Variants in FRMD3 observed in about 807,000 individuals in gnomAD.
The protein encoded by FRMD3 is FERM domain-containing protein 3.
Under a neutral mutation model 70.2 loss-of-function variants are expected in FRMD3, and 33 were observed. The observed-to-expected ratio is 0.47, with a 90% CI of 0.36 to 0.63. The LOEUF (loss-of-function observed/expected upper bound fraction) is 0.63, where lower values mean the gene tolerates loss of function less well. FRMD3 is among the 20% of genes least tolerant of loss of function. FRMD3 has a pLI of 0.00. For synonymous variants in FRMD3, 279 were observed against 255.9 expected (o/e 1.09, Z -0.86); for missense variants, 632 against 711.4 (o/e 0.89, Z 1.27).
intron 1 of FRMD3, among the ~76,000 whole-genome samples, chr9:83,474,054 G>A (rs1828334403): frequency 6.6e-6 from 1 of 152,144 alleles, no homozygotes; most frequent in African/African-American, 2.4e-5. Flanking sequence ...ACAAGGAGCT[G>A]TGTACAGTAT....
At chr9:83,527,561 A>G (rs914815248) in intron 1 of FRMD3, among the ~76,000 whole-genome samples, 1 of 152,186 alleles carries the variant, frequency 6.6e-6, no homozygotes, top group African/African-American at 2.4e-5. Flanking sequence ...CTGATGTCTG[A>G]CTATTCCAGA....
intron 1 of FRMD3, among the ~76,000 whole-genome samples, chr9:83,438,842 A>T (rs1175269433): frequency 6.6e-6 from 1 of 152,198 alleles, no homozygotes; most frequent in Non-Finnish European, 1.5e-5. Flanking sequence ...TACAGCTGAG[A>T]GGGCCATGAG....
At chr9:83,293,711 T>C (rs1229035387) in intron 12 of FRMD3, among the ~76,000 whole-genome samples, 1 of 152,200 alleles carries the variant, frequency 6.6e-6, no homozygotes, top group Non-Finnish European at 1.5e-5. Context: ...GCTCGGCCCC[T>C]ACATTCATAG....
chr9:83,397,138 C>A (rs1361010478), intron 1 of FRMD3, among the ~76,000 whole-genome samples: 1 of 152,184 alleles, frequency 6.6e-6, no homozygotes, highest in Non-Finnish European at 1.5e-5. Flanking sequence ...CACATAAAAT[C>A]TGGATGCTAG....
intron 3 of FRMD3, among the ~76,000 whole-genome samples, chr9:83,364,955 G>A (rs1824741299): frequency 6.6e-6 from 1 of 152,114 alleles, no homozygotes; most frequent in Non-Finnish European, 1.5e-5. Context: ...ATTGGCGTGG[G>A]GAATGGGAAC....
intron 1 of FRMD3, among the ~76,000 whole-genome samples, chr9:83,446,458 T>C (rs569065322): frequency 3.9e-4 from 59 of 151,698 alleles, no homozygotes; most frequent in South Asian, 3.3e-3. Context: ...CCATCCTGGC[T>C]AACACGGTGA....
At position 83,264,705 on chromosome 9, in the gene FRMD3, A is replaced by G. The variant is rs191814597; in HGVS notation, c.1196-16189T>C. ...TGATATTAAAACTATACTGTATAGT[A>G]ATGGAGCAGGAATAATAAAAGATAT... On this transcript the variant is annotated intron_variant, in intron 13 of 13. Transcript: ENST00000304195. Among the ~76,000 whole-genome samples, 289 of 152,266 alleles carry G rather than the reference A, an allele frequency of 1.9e-3. 1 individual carries two copies. Among genetic ancestry groups the G allele is most frequent in the African/African-American group, 6.7e-3 (278 of 41,552 alleles).
intron 5 of FRMD3, among the ~76,000 whole-genome samples, chr9:83,340,347 T>C (rs1443852438): frequency 6.6e-6 from 1 of 152,176 alleles, no homozygotes; most frequent in Non-Finnish European, 1.5e-5. Context: ...TTAGATTCTA[T>C]ATAAGAGGAA....
the FRMD3 span, among the ~76,000 whole-genome samples, chr9:83,555,693 C>G: frequency 6.6e-6 from 1 of 152,216 alleles, no homozygotes; most frequent in Non-Finnish European, 1.5e-5. Context: ...GTACAGGAAT[C>G]TAACCTCCCA....
intron 4 of FRMD3, among the ~76,000 whole-genome samples, chr9:83,348,836 T>A (rs1011049415): frequency 6.6e-6 from 1 of 152,112 alleles, no homozygotes; most frequent in Non-Finnish European, 1.5e-5. Flanking sequence ...GTCACCTCCA[T>A]GCCACTAATG....
intron 1 of FRMD3, among the ~76,000 whole-genome samples, chr9:83,515,823 TA>T (rs1433119475): frequency 6.6e-6 from 1 of 152,132 alleles, no homozygotes; most frequent in African/African-American, 2.4e-5. Flanking sequence ...TTAACATTCT[TA>T]AAGAAAAGAA....
At chr9:83,345,507 C>T (rs1026632586) in intron 4 of FRMD3, among the ~76,000 whole-genome samples, 5 of 152,110 alleles carry the variant, frequency 3.3e-5, no homozygotes, top group African/African-American at 1.2e-4. Context: ...CCTGTAATCC[C>T]AGCAATTTGG....
chr9:83,529,959 A>T (rs191135005), intron 1 of FRMD3, among the ~76,000 whole-genome samples: 1 of 152,348 alleles, frequency 6.6e-6, no homozygotes, highest in African/African-American at 2.4e-5. Flanking sequence ...CCCACTTAGG[A>T]TGGTTATAAT....
At chr9:83,498,488 T>C (rs576647315) in intron 1 of FRMD3, among the ~76,000 whole-genome samples, 15 of 152,204 alleles carry the variant, frequency 9.9e-5, no homozygotes, top group Non-Finnish European at 1.5e-4. Flanking sequence ...AGTCAACAAG[T>C]AGTTCATGTG....
chr9:83,573,710 A>G, the FRMD3 span, among the ~76,000 whole-genome samples: 36 of 150,976 alleles, frequency 2.4e-4, 1 homozygote, highest in African/African-American at 8.5e-4. Flanking sequence ...TTTACTTGTT[A>G]CTGGTCCAGT....
At chr9:83,324,273 T>C (rs1167213123) in intron 6 of FRMD3, among the ~76,000 whole-genome samples, 1 of 152,184 alleles carries the variant, frequency 6.6e-6, no homozygotes, top group African/African-American at 2.4e-5. Context: ...AATACATATG[T>C]ATAAAGTAAA....
chr9:83,246,307 A>G lies in FRMD3; in HGVS notation c.*1611T>C, dbSNP rs183670755. The G allele has an allele frequency of 8.1e-6, 8 of 984,742 alleles. No homozygotes were observed. The East Asian group carries it at 6.8e-4, about 84-fold the overall frequency. 61.0% of individuals were successfully genotyped at this position (984,742 alleles called of 1,614,324 possible). ...TTCTAGACTCTTATCTTTCTCCCAC[A>G]TAACACAGTATCAGCAGGTAGTCTG... On this transcript the variant is annotated 3_prime_UTR_variant, in exon 14 of 14. Coordinates refer to ENST00000304195, the MANE Select transcript of FRMD3 (RefSeq NM_174938.6).
At chr9:83,407,871 CTCATCTT>C (rs1201848886) in intron 1 of FRMD3, among the ~76,000 whole-genome samples, 6 of 115,790 alleles carry the variant, frequency 5.2e-5, no homozygotes, top group East Asian at 2.7e-4. Context: ...CTCTCTCTCT[CTCATCTT>C]TCTCTCTCTC....
At chr9:83,473,887 C>A (rs1828330994) in intron 1 of FRMD3, among the ~76,000 whole-genome samples, 1 of 152,172 alleles carries the variant, frequency 6.6e-6, no homozygotes, top group South Asian at 2.1e-4. Flanking sequence ...TGTAACTATA[C>A]CAGATAAGAC....
Sources: allele counts gnomAD v4.1 joint callset (sites outside exome capture counted in the v4.1 genomes callset), GRCh38; gene constraint gnomAD v4.1.1; transcripts MANE v1.5; gene names NCBI Gene and HGNC (gene_info 2026-07-23, HGNC 2026-07-21).